Variants in WDR7 observed in about 807,000 individuals in gnomAD.
WDR7 encodes WD repeat domain 7.
WDR7 carries 46 observed loss-of-function variants against 169.4 expected under a neutral mutation model. The observed-to-expected ratio is 0.27, with a 90% CI of 0.21 to 0.35. The LOEUF (loss-of-function observed/expected upper bound fraction) is 0.35, where lower values mean the gene tolerates loss of function less well. Ranked by LOEUF, WDR7 falls within the 10% of genes least tolerant of loss-of-function variation. The probability of loss-of-function intolerance (pLI) is 1.00; values close to 1 mark genes in which losing one functional copy is unlikely to be tolerated. For missense variants in WDR7, 1,534 were observed against 1,859.3 expected (o/e 0.83, Z 3.22); for synonymous variants, 612 against 666.8 (o/e 0.92, Z 1.27).
chr18:56,686,846 T>TCC lies in WDR7; in HGVS notation c.598-8_598-7insCC. On this transcript the variant is annotated splice_polypyrimidine_tract_variant and intron_variant, in intron 6 of 27. Coordinates refer to ENST00000254442, the MANE Select transcript of WDR7 (RefSeq NM_015285.3). ...CTATTCCTAAATTTTTACAAATCTTTCTTTTCAGGATACTGAGCCAATATT... is the reference window on the plus strand; with the variant it reads ...CTATTCCTAAATTTTTACAAATCTTTCCCTTTTCAGGATACTGAGCCAATATT... 2 of 1,434,326 alleles carry TCC rather than the reference T, an allele frequency of 1.4e-6. No homozygotes were observed. The highest frequency in any genetic ancestry group is 1.8e-6 in the Non-Finnish European group (2 of 1,089,688). The allele number at this position is 1,434,326 out of a possible 1,614,324, so 88.8% of individuals were successfully genotyped here. A position where few individuals can be genotyped will look rare whatever the true frequency, so the allele number is the denominator to read the frequency against.
chr18:56,741,276 T>G (rs1267552866), intron 14 of WDR7, among the ~76,000 whole-genome samples: 1 of 152,192 alleles, frequency 6.6e-6, no homozygotes, highest in Admixed American at 6.5e-5. Flanking sequence ...TCATCACTGT[T>G]TGTCCCATTA....
chr18:56,866,356 G>A (rs555583603), intron 20 of WDR7, among the ~76,000 whole-genome samples: 2 of 151,324 alleles, frequency 1.3e-5, no homozygotes, highest in South Asian at 2.1e-4. Context: ...TTTTTTTAAT[G>A]AATCTGGAAA....
At chr18:56,749,703 G>T (rs1015537523) in intron 14 of WDR7, among the ~76,000 whole-genome samples, 4 of 151,944 alleles carry the variant, frequency 2.6e-5, no homozygotes, top group Non-Finnish European at 5.9e-5. Flanking sequence ...AAATGATTCT[G>T]AAATAAGTAA....
intron 22 of WDR7, among the ~76,000 whole-genome samples, chr18:56,926,426 C>A (rs2046809390): frequency 6.6e-6 from 1 of 152,194 alleles, no homozygotes; most frequent in South Asian, 2.1e-4. Context: ...ATTTTTAAAT[C>A]TGATCAAAAC....
At chr18:56,695,440 T>C (rs1351522870) in intron 11 of WDR7, among the ~76,000 whole-genome samples, 1 of 152,182 alleles carries the variant, frequency 6.6e-6, no homozygotes, top group Non-Finnish European at 1.5e-5. Context: ...GATATGTTAA[T>C]AGTTTCATCT....
intron 20 of WDR7, among the ~76,000 whole-genome samples, chr18:56,852,657 G>A (rs1186398390): frequency 6.6e-6 from 1 of 151,986 alleles, no homozygotes; most frequent in South Asian, 2.1e-4. Flanking sequence ...GGCCACGTTA[G>A]TATAAAGGCT....
At chr18:56,712,437 A>C (rs748239226) in intron 12 of WDR7, among the ~76,000 whole-genome samples, 9 of 152,358 alleles carry the variant, frequency 5.9e-5, no homozygotes, top group African/African-American at 2.2e-4. Context: ...GCTTAGGATG[A>C]TAATTATTTG....
intron 16 of WDR7, among the ~76,000 whole-genome samples, chr18:56,760,168 A>G (rs2043960050): frequency 6.6e-6 from 1 of 152,184 alleles, no homozygotes; most frequent in Admixed American, 6.5e-5. Flanking sequence ...TACATACAGA[A>G]ACATGCACAA....
chr18:56,897,003 G>C (rs971686793), intron 21 of WDR7, among the ~76,000 whole-genome samples: 30 of 151,840 alleles, frequency 2.0e-4, no homozygotes, highest in Non-Finnish European at 2.5e-4. Context: ...AATGGATAAA[G>C]GTTGAAAAAG....
intron 21 of WDR7, among the ~76,000 whole-genome samples, chr18:56,894,909 AAT>A (rs1349686600): frequency 1.3e-5 from 2 of 152,110 alleles, no homozygotes; most frequent in African/African-American, 2.4e-5. Flanking sequence ...CAAAGGAAAA[AAT>A]ATATGATTAT....
intron 18 of WDR7, among the ~76,000 whole-genome samples, chr18:56,780,540 C>T (rs572314598): frequency 1.3e-5 from 2 of 152,138 alleles, no homozygotes; most frequent in East Asian, 1.9e-4. Flanking sequence ...GTTAATAGGC[C>T]GGGTGATGTG....
rs1383286735 is a variant in WDR7 at position 56,756,982 on chromosome 18, A to G, written c.2389A>G (p.Met797Val). 2 of 1,614,148 alleles carry G rather than the reference A, an allele frequency of 1.2e-6. No individual in the cohort carries two copies. Among genetic ancestry groups the G allele is most frequent in the Non-Finnish European group, 1.7e-6 (2 of 1,180,032 alleles). The change falls in exon 15 of 28, where the codon ATG becomes GTG. Residue 797 changes from methionine (M) to valine (V), a missense_variant. By Grantham distance (21) the Met-to-Val change is conservative. Coordinates refer to ENST00000254442, the MANE Select transcript of WDR7 (RefSeq NM_015285.3). ...PLTLLEYNLT[M>V]DTAKLFMSCL... ...GACCCTATTAGAATATAATTTAACT[A>G]TGGACACTGCAAAGCTGTTTATGTC...
chr18:56,933,513 A>T (rs1455159705), intron 22 of WDR7, among the ~76,000 whole-genome samples: 1 of 152,222 alleles, frequency 6.6e-6, no homozygotes, highest in Non-Finnish European at 1.5e-5. Context: ...CTGTATCTTC[A>T]TTCAAACCAT....
At chr18:56,744,709 C>A (rs552454555) in intron 14 of WDR7, among the ~76,000 whole-genome samples, 1 of 152,102 alleles carries the variant, frequency 6.6e-6, no homozygotes, top group African/African-American at 2.4e-5. Flanking sequence ...CTGGCTCCTA[C>A]ACGAGGATTT....
intron 19 of WDR7, among the ~76,000 whole-genome samples, chr18:56,793,669 A>G (rs1344372352): frequency 1.3e-5 from 2 of 152,218 alleles, no homozygotes; most frequent in Non-Finnish European, 2.9e-5. Context: ...TACATGCCCC[A>G]TAGCCCTGTG....
chr18:56,731,557 C>T lies in WDR7; in HGVS notation c.1949C>T (p.Thr650Ile), dbSNP rs751186350. Reference protein sequence around the residue: ...LKNMAHHKLQTLATNLLASEA... With the variant: ...LKNMAHHKLQILATNLLASEA... Reference sequence around the variant, plus strand: ...AATATGGCCCATCATAAGCTACAAACCCTTGCAACTAACCTCTTGGCTTCT... The same window carrying T: ...AATATGGCCCATCATAAGCTACAAATCCTTGCAACTAACCTCTTGGCTTCT... Residue 650 changes from threonine to isoleucine, a missense_variant, in exon 14 of 28, where the codon ACC becomes ATC. By Grantham distance (89) the Thr-to-Ile change is moderately conservative. Transcript: ENST00000254442. 2 of 1,614,048 alleles carry T rather than the reference C, an allele frequency of 1.2e-6. No homozygotes were observed. Among genetic ancestry groups the T allele is most frequent in the Non-Finnish European group, 1.7e-6 (2 of 1,180,016 alleles).
intron 12 of WDR7, among the ~76,000 whole-genome samples, chr18:56,708,706 A>G (rs2026016623): frequency 6.6e-6 from 1 of 152,116 alleles, no homozygotes; most frequent in Non-Finnish European, 1.5e-5. Context: ...AGGCCAAGAC[A>G]GGTGGATCAC....
At chr18:56,738,469 G>A (rs1048941407) in intron 14 of WDR7, among the ~76,000 whole-genome samples, 2 of 152,072 alleles carry the variant, frequency 1.3e-5, no homozygotes, top group South Asian at 2.1e-4. Context: ...GGGGTGGGAG[G>A]ATTGCTTGAG....
At chr18:56,806,120 A>C (rs1195785736) in intron 19 of WDR7, among the ~76,000 whole-genome samples, 1 of 152,154 alleles carries the variant, frequency 6.6e-6, no homozygotes, top group Non-Finnish European at 1.5e-5. Flanking sequence ...ATTTTTCTCC[A>C]TATGTGAACT....
Sources: allele counts gnomAD v4.1 joint callset (sites outside exome capture counted in the v4.1 genomes callset), GRCh38; gene constraint gnomAD v4.1.1; transcripts MANE v1.5; gene names NCBI Gene and HGNC (gene_info 2026-07-23, HGNC 2026-07-21).